DHX57: variants seen among roughly 807,000 people sequenced by gnomAD.
DHX57 encodes DExH-box helicase 57.
Under a neutral mutation model 156.2 loss-of-function variants are expected in DHX57, and 105 were observed. That is an observed-to-expected ratio of 0.67 (90% confidence interval 0.57 to 0.79). The LOEUF (loss-of-function observed/expected upper bound fraction) is 0.79. Among genes scored for constraint, DHX57 ranks in the 30% least tolerant of loss-of-function variants. The pLI is 0.00. For synonymous variants in DHX57, 704 were observed against 595.6 expected, an observed-to-expected ratio of 1.18 and a Z score of -2.65; for missense variants, 1,847 against 1,661.9, an observed-to-expected ratio of 1.11 and a Z score of -1.94.
rs149818203 is a variant in DHX57, at chr2:38,823,217, G to A, written c.3067C>T (p.Arg1023Trp). The A allele has an allele frequency of 1.1e-4, 174 of 1,614,110 alleles. 1 individual carries two copies. Among genetic ancestry groups the A allele is most frequent in the East Asian group, 6.0e-4 (27 of 44,878 alleles). The change falls in exon 17 of 24, where the codon CGG becomes TGG. Residue 1023 changes from arginine to tryptophan, a missense_variant. Arg to Trp is a moderately radical substitution (Grantham distance 101, BLOSUM62 -3). Coordinates refer to ENST00000457308, the MANE Select transcript of DHX57 (RefSeq NM_198963.3). Reference sequence around the variant, plus strand: ...TCGGTGTGTGGAGGTTCAATGAGCCGAGAGAACACAGACTGGAGATTATGA... The same window carrying A: ...TCGGTGTGTGGAGGTTCAATGAGCCAAGAGAACACAGACTGGAGATTATGA... ...SAHNLQSVFS[R>W]LIEPPHTDSL...
chr2:38,806,304 C>T, intron 22 of DHX57: 1 of 409,490 alleles, frequency 2.4e-6, no homozygotes, highest in Non-Finnish European at 4.3e-6. Flanking sequence ...CTTCAATTAC[C>T]ATTGCAAAGA....
At chr2:38,838,338 C>T (rs1398915274) in intron 12 of DHX57, among the ~76,000 whole-genome samples, 1 of 152,114 alleles carries the variant, frequency 6.6e-6, no homozygotes, top group Non-Finnish European at 1.5e-5. Context: ...CAGGCTAAGG[C>T]AGTCCTCCTG....
chr2:38,831,368 C>T (rs184159590), intron 13 of DHX57, among the ~76,000 whole-genome samples: 119 of 148,066 alleles, frequency 8.0e-4, no homozygotes, highest in Non-Finnish European at 1.6e-3. Context: ...GTCCCCCAGG[C>T]TGCCAGGCTG....
rs1670066835 is a variant in DHX57, at chr2:38,808,361, T to C, written c.3682-1668A>G. Among the ~76,000 whole-genome samples, 9 of 152,318 alleles carry C rather than the reference T, an allele frequency of 5.9e-5. No homozygotes were observed. In the South Asian group the frequency reaches 1.9e-3, roughly 32 times the overall value. ...CTTGAAAATGATGTATTTTCAATGA[T>C]GTCTTGAAAATAAACATGTCTTGAA... is the stretch of plus-strand genomic sequence containing the variant. On this transcript the variant is annotated intron_variant, in intron 21 of 23. Transcript: ENST00000457308.
intron 13 of DHX57, among the ~76,000 whole-genome samples, chr2:38,830,712 T>G (rs1194830958): frequency 6.6e-6 from 1 of 152,078 alleles, no homozygotes; most frequent in Non-Finnish European, 1.5e-5. Context: ...TTAGTAAGCA[T>G]GGAGCTTGGA....
At chr2:38,833,384 C>A (rs1671480795) in intron 13 of DHX57, among the ~76,000 whole-genome samples, 1 of 152,126 alleles carries the variant, frequency 6.6e-6, no homozygotes, top group Non-Finnish European at 1.5e-5. Flanking sequence ...CTCAGGTGAT[C>A]CGCCTGCCTC....
At chr2:38,860,851 G>A (rs191042888) in intron 5 of DHX57, 148 bp downstream of exon 5, 146 of 688,222 alleles carry the variant, frequency 2.1e-4, no homozygotes, top group African/African-American at 2.0e-3. Context: ...ACAGTTCAGG[G>A]AATTCTCATT....
intron 7 of DHX57, among the ~76,000 whole-genome samples, chr2:38,855,650 G>A (rs1356341566): frequency 6.6e-6 from 1 of 151,992 alleles, no homozygotes; most frequent in East Asian, 1.9e-4. Flanking sequence ...AAACTAGAAG[G>A]TACGAATTAT....
At chr2:38,849,349 T>A (rs1164295679) in intron 9 of DHX57, among the ~76,000 whole-genome samples, 1 of 152,154 alleles carries the variant, frequency 6.6e-6, no homozygotes, top group Middle Eastern at 3.2e-3. Flanking sequence ...CCCTAATTGG[T>A]CTCTTGGCCC....
chr2:38,872,114 T>A (rs552130276), intron 1 of DHX57, among the ~76,000 whole-genome samples: 1 of 152,120 alleles, frequency 6.6e-6, no homozygotes, highest in Non-Finnish European at 1.5e-5. Context: ...AGGCCCCATC[T>A]CCTAACACTG....
chr2:38,816,745 T>C (rs1341739009), intron 19 of DHX57, among the ~76,000 whole-genome samples: 1 of 151,820 alleles, frequency 6.6e-6, no homozygotes. Flanking sequence ...AACTAGAATA[T>C]AATTAGGAGT....
At chr2:38,822,415 T>G (rs77626035) in intron 17 of DHX57, among the ~76,000 whole-genome samples, 1 of 149,876 alleles carries the variant, frequency 6.7e-6, no homozygotes, top group African/African-American at 2.5e-5. Flanking sequence ...TTTTTTTTTT[T>G]AGACGGAGCC....
chr2:38,813,919 T>C (rs758536629), intron 20 of DHX57, 24 bp from the exon 21 acceptor site: 2 of 1,611,022 alleles, frequency 1.2e-6, no homozygotes, highest in South Asian at 2.2e-5. Flanking sequence ...ACAGCATTAA[T>C]TAACAAGTGA....
chr2:38,825,614 C>T (rs1448411491), intron 16 of DHX57, among the ~76,000 whole-genome samples: 1 of 151,966 alleles, frequency 6.6e-6, no homozygotes, highest in Non-Finnish European at 1.5e-5. Flanking sequence ...TACATATGTA[C>T]TCTTAAGCTC....
At chr2:38,853,841 C>A in intron 9 of DHX57, 2 of 375,544 alleles carry the variant, frequency 5.3e-6, no homozygotes, top group Admixed American at 8.1e-5. Flanking sequence ...AACAGGATGA[C>A]TCCATCTAAT....
At chr2:38,825,610 T>C (rs777338702) in intron 16 of DHX57, among the ~76,000 whole-genome samples, 4 of 152,152 alleles carry the variant, frequency 2.6e-5, no homozygotes, top group Non-Finnish European at 5.9e-5. Context: ...GCCCTACATA[T>C]GTACTCTTAA....
chr2:38,817,945 C>T (rs1670624728), intron 19 of DHX57, among the ~76,000 whole-genome samples: 1 of 152,018 alleles, frequency 6.6e-6, no homozygotes, highest in Non-Finnish European at 1.5e-5. Flanking sequence ...CAATCGTCAG[C>T]CTCTCAAAGT....
In DHX57 at chr2:38,861,605, T is replaced by A; in HGVS notation, c.805A>T (p.Asn269Tyr). ...CGEKFIERIQ[N>Y]RVWTIGLELE... ...TCTAACCCAATGGTCCAGACTCTGT[T>A]CTGAATTCTTTCTATAAATTTTTCT... Residue 269 changes from asparagine (N) to tyrosine (Y), a missense_variant, in exon 5 of 24, where the codon AAC becomes TAC. Physicochemically the swap from Asn to Tyr is moderately radical, Grantham distance 143. Coordinates refer to ENST00000457308, the MANE Select transcript of DHX57 (RefSeq NM_198963.3). The A allele has an allele frequency of 6.2e-7, 1 of 1,614,204 alleles. No individual in the cohort carries two copies. The highest frequency in any genetic ancestry group is 1.6e-4 in the Middle Eastern group (1 of 6,062).
At chr2:38,856,710 C>T (rs1204825570) in intron 6 of DHX57, 1 of 290,870 alleles carries the variant, frequency 3.4e-6, no homozygotes, top group South Asian at 5.6e-5. Flanking sequence ...CCATGTTGCC[C>T]AGGCTGGCCT....
Sources: allele counts gnomAD v4.1 joint callset (sites outside exome capture counted in the v4.1 genomes callset), GRCh38; gene constraint gnomAD v4.1.1; transcripts MANE v1.5; gene names NCBI Gene and HGNC (gene_info 2026-07-23, HGNC 2026-07-21).